The following CCSER1 variants were observed in gnomAD, a reference collection of about 807,000 sequenced individuals.
CCSER1 encodes coiled-coil serine rich protein 1.
A neutral mutation model predicts 82.0 loss-of-function variants in CCSER1; 41 were observed. The ratio of observed to expected loss-of-function variants is 0.50; its 90% CI spans 0.39 to 0.65. The LOEUF (loss-of-function observed/expected upper bound fraction) is 0.65. CCSER1 is among the 30% of genes least tolerant of loss of function. The pLI is 0.00. For missense variants in CCSER1, 1,119 were observed against 1,064.2 expected (o/e 1.05, Z -0.72); for synonymous variants, 414 against 383.9 (o/e 1.08, Z -0.92).
chr4:90,996,603 A>T (rs546851064), intron 9 of CCSER1, among the ~76,000 whole-genome samples: 2 of 152,260 alleles, frequency 1.3e-5, no homozygotes, highest in African/African-American at 4.8e-5. Context: ...TCATTCTACC[A>T]ATAGAATTCC....
At chr4:91,538,473 C>A (rs540369502) in intron 10 of CCSER1, among the ~76,000 whole-genome samples, 1 of 151,200 alleles carries the variant, frequency 6.6e-6, no homozygotes, top group South Asian at 2.1e-4. Context: ...AATAAAACTC[C>A]TCAGCACTGG....
At chr4:90,948,751 A>C (rs1219346504) in intron 9 of CCSER1, among the ~76,000 whole-genome samples, 1 of 151,982 alleles carries the variant, frequency 6.6e-6, no homozygotes, top group Non-Finnish European at 1.5e-5. Context: ...GTTCAGCATA[A>C]TTTTATTTCT....
chr4:90,155,298 T>G (rs1259533152), intron 1 of CCSER1, among the ~76,000 whole-genome samples: 2 of 152,098 alleles, frequency 1.3e-5, no homozygotes, highest in African/African-American at 4.8e-5. Flanking sequence ...TTATTGAGGA[T>G]TTTTGCATCA....
chr4:90,832,847 T>A (rs1761305757), intron 8 of CCSER1, among the ~76,000 whole-genome samples: 1 of 152,174 alleles, frequency 6.6e-6, no homozygotes, highest in Non-Finnish European at 1.5e-5. Flanking sequence ...ATAGAAAAAT[T>A]ACTAAGCTTA....
chr4:90,492,072 G>A (rs1426214882), intron 5 of CCSER1, among the ~76,000 whole-genome samples: 2 of 152,102 alleles, frequency 1.3e-5, no homozygotes, highest in Non-Finnish European at 2.9e-5. Flanking sequence ...CTAGTGATTG[G>A]AATAGTTTCA....
intron 10 of CCSER1, among the ~76,000 whole-genome samples, chr4:91,349,142 C>T (rs1241397678): frequency 6.6e-6 from 1 of 152,070 alleles, no homozygotes; most frequent in South Asian, 2.1e-4. Context: ...CTCCTGACCT[C>T]GTGATCTGCC....
At chr4:90,610,917 T>C (rs1785384733) in intron 5 of CCSER1, among the ~76,000 whole-genome samples, 1 of 152,092 alleles carries the variant, frequency 6.6e-6, no homozygotes, top group Non-Finnish European at 1.5e-5. Context: ...TTGCTCTTGT[T>C]GCCCAGGCTG....
intron 10 of CCSER1, among the ~76,000 whole-genome samples, chr4:91,186,689 G>T (rs1734572023): frequency 6.6e-6 from 1 of 152,226 alleles, no homozygotes; most frequent in Admixed American, 6.5e-5. Flanking sequence ...CCAGTCATTA[G>T]CATTGTTTCT....
intron 9 of CCSER1, among the ~76,000 whole-genome samples, chr4:91,030,386 T>A (rs1740872905): frequency 6.6e-6 from 1 of 152,136 alleles, no homozygotes; most frequent in Admixed American, 6.6e-5. Context: ...GAAATGTGAA[T>A]ATTGTGACTA....
chr4:90,959,489 C>T (rs1230587576), intron 9 of CCSER1, among the ~76,000 whole-genome samples: 5 of 152,066 alleles, frequency 3.3e-5, no homozygotes, highest in African/African-American at 1.2e-4. Context: ...AAGTGGCACA[C>T]CTGAGTTTTC....
rs75782598 is a variant in CCSER1, at chr4:91,244,361, C to T, written c.2217+158367C>T. ...AACTTACTACCTTGAAGGGAAGGGC[C>T]TTGGGCAGCACCCAGTGCTGTGTTG... On this transcript the variant is annotated intron_variant, in intron 10 of 10. Transcript: ENST00000509176. 2.4e-4 allele frequency among the ~76,000 whole-genome samples: 36 copies of T among 152,328 alleles called. No individual in the cohort carries two copies. The East Asian group carries it at 7.0e-3, about 29-fold the overall frequency.
chr4:90,897,028 T>G (rs1032858955), intron 8 of CCSER1, among the ~76,000 whole-genome samples: 1 of 151,956 alleles, frequency 6.6e-6, no homozygotes, highest in Admixed American at 6.6e-5. Context: ...CTTACAAATT[T>G]TTCCTTTTTT....
At chr4:91,393,684 G>GT (rs2149352396) in intron 10 of CCSER1, among the ~76,000 whole-genome samples, 1 of 151,942 alleles carries the variant, frequency 6.6e-6, no homozygotes, top group Non-Finnish European at 1.5e-5. Context: ...TCCTGATTGT[G>GT]TTTTTCTCCT....
In CCSER1 at chr4:90,637,310, G is replaced by C. The variant is rs1036043087; in HGVS notation, c.1932+9078G>C. Among the ~76,000 whole-genome samples the C allele has an allele frequency of 3.8e-4, 58 of 152,172 alleles. No homozygotes were observed. In the Middle Eastern group the frequency reaches 0.01, roughly 27 times the overall value. Reference sequence around the variant, plus strand: ...AGCCTTTTCGCTGGTCAACATGGCAGTTGGCTTCCCCCTGACTACACAATC... The same window carrying C: ...AGCCTTTTCGCTGGTCAACATGGCACTTGGCTTCCCCCTGACTACACAATC... On this transcript the variant is annotated intron_variant, in intron 6 of 10. Coordinates refer to ENST00000509176, the MANE Select transcript of CCSER1 (RefSeq NM_001145065.2).
At chr4:91,589,025 T>C (rs1764141900) in intron 10 of CCSER1, among the ~76,000 whole-genome samples, 1 of 151,882 alleles carries the variant, frequency 6.6e-6, no homozygotes, top group African/African-American at 2.4e-5. Flanking sequence ...GTATTGTTTG[T>C]ACTATCCTCC....
chr4:91,530,023 T>G (rs79527675), intron 10 of CCSER1, among the ~76,000 whole-genome samples: 5,265 of 152,196 alleles, frequency 0.035, 197 homozygotes, highest in South Asian at 0.16. Context: ...TTTTCAGAAA[T>G]GGAAAGCATC....
chr4:91,587,983 G>T (rs929516102), intron 10 of CCSER1, among the ~76,000 whole-genome samples: 1 of 150,570 alleles, frequency 6.6e-6, no homozygotes, highest in Non-Finnish European at 1.5e-5. Flanking sequence ...AAGAAGTTAA[G>T]ATATTAATAA....
intron 10 of CCSER1, among the ~76,000 whole-genome samples, chr4:91,197,775 C>T (rs1296569355): frequency 3.9e-5 from 6 of 152,110 alleles, no homozygotes; most frequent in African/African-American, 1.2e-4. Context: ...CTATACGTGC[C>T]CCCATGGTAT....
intron 10 of CCSER1, among the ~76,000 whole-genome samples, chr4:91,147,040 T>C (rs1411199055): frequency 6.6e-6 from 1 of 152,132 alleles, no homozygotes; most frequent in African/African-American, 2.4e-5. Context: ...TGCTTTTCTC[T>C]CCATTAAGAA....
Sources: allele counts gnomAD v4.1 joint callset (sites outside exome capture counted in the v4.1 genomes callset), GRCh38; gene constraint gnomAD v4.1.1; transcripts MANE v1.5; gene names NCBI Gene and HGNC (gene_info 2026-07-23, HGNC 2026-07-21).